The following PRAG1 variants were observed in gnomAD, a reference collection of about 807,000 sequenced individuals.
PRAG1 encodes the protein inactive tyrosine-protein kinase PRAG1.
A neutral mutation model predicts 95.6 loss-of-function variants in PRAG1; 110 were observed. That is an observed-to-expected ratio of 1.15 (90% CI 0.99 to 1.35). The LOEUF is 1.35. Among genes scored for constraint, PRAG1 ranks in the 40% most tolerant of loss-of-function variants. The probability of loss-of-function intolerance (pLI) is 0.00; values close to 1 mark genes in which losing one functional copy is unlikely to be tolerated. For synonymous variants in PRAG1, 1,052 were observed against 819.4 expected (o/e 1.28, Z -4.85); for missense variants, 2,554 against 1,864.7 (o/e 1.37, Z -6.81).
At chr8:8,382,092 C>G (rs1041745020) in intron 1 of PRAG1, among the ~76,000 whole-genome samples, 2 of 152,122 alleles carry the variant, frequency 1.3e-5, no homozygotes, top group African/African-American at 4.8e-5. Context: ...TTTCGGTCCC[C>G]TAAAATCCTG....
intron 4 of PRAG1, among the ~76,000 whole-genome samples, chr8:8,335,645 T>C (rs918263410): frequency 2.6e-5 from 4 of 152,228 alleles, no homozygotes; most frequent in Non-Finnish European, 5.9e-5. Context: ...ACTTCAGTGA[T>C]ATTATAGCTC....
At chr8:8,325,131 C>A (rs1395847665) in intron 5 of PRAG1, among the ~76,000 whole-genome samples, 1 of 152,248 alleles carries the variant, frequency 6.6e-6, no homozygotes, top group Admixed American at 6.5e-5. Flanking sequence ...CCCACTCCCC[C>A]TCCTGCGGAT....
intron 4 of PRAG1, among the ~76,000 whole-genome samples, chr8:8,336,534 C>T (rs1418977565): frequency 1.3e-5 from 2 of 152,174 alleles, no homozygotes; most frequent in East Asian, 1.9e-4. Flanking sequence ...ATAACAGATG[C>T]ACTGGAGGAA....
rs776586571 is a variant in PRAG1, at chr8:8,319,265, C to T, written c.3110G>A (p.Cys1037Tyr). ...KAPEPKTVSY[C>Y]SPSVPVHFNI... is the part of the protein sequence containing the mutation. ...AAAGTGCACGGGCACGGACGGGCTG[C>T]AGTAGGAGACTGTTTTGGGCTCAGG... Residue 1037 changes from cysteine to tyrosine, a missense_variant, in exon 6 of 6, where the codon TGC becomes TAC. Cys to Tyr is a radical substitution (Grantham distance 194). Coordinates refer to ENST00000615670, the MANE Select transcript of PRAG1 (RefSeq NM_001080826.3). 18 of 1,525,302 alleles carry T rather than the reference C, an allele frequency of 1.2e-5. No homozygotes were observed. The South Asian group carries it at 2.0e-4, about 17-fold the overall frequency. The allele number at this position is 1,525,302 out of a possible 1,614,324, so 94.5% of individuals were successfully genotyped here. A position where few individuals can be genotyped will look rare whatever the true frequency, so the allele number is the denominator to read the frequency against.
chr8:8,322,149 C>G (rs1332278085), intron 5 of PRAG1, among the ~76,000 whole-genome samples: 1 of 152,102 alleles, frequency 6.6e-6, no homozygotes, highest in African/African-American at 2.4e-5. Flanking sequence ...TATGCTTCGG[C>G]CATTTTATTT....
chr8:8,340,903 C>G (rs1007161832), intron 3 of PRAG1, among the ~76,000 whole-genome samples: 1 of 152,194 alleles, frequency 6.6e-6, no homozygotes, highest in Non-Finnish European at 1.5e-5. Context: ...ATCTCAGTAT[C>G]GCTGTGGGAA....
Position 8,319,160 on chromosome 8 carries a change from G to C in PRAG1, c.3215C>G (p.Pro1072Arg). 3 of 1,604,926 alleles carry C rather than the reference G, an allele frequency of 1.9e-6. No homozygotes were observed. Among genetic ancestry groups the C allele is most frequent in the Non-Finnish European group, 2.6e-6 (3 of 1,175,408 alleles). Residue 1072 changes from proline (P) to arginine (R), a missense_variant, in exon 6 of 6, where the codon CCT becomes CGT. Transcript: ENST00000615670. ...MLSSPDAPKD[P>R]VPALPTHPPA... ...GGGGTGTGTGGGCAGGGCAGGCACA[G>C]GGTCCTTGGGCGCGTCGGGGGAGCT... is the stretch of plus-strand genomic sequence containing the variant.
Position 8,328,195 on chromosome 8 carries a change from T to C in PRAG1, c.2587A>G (p.Ser863Gly), listed in dbSNP as rs1269013925. The C allele has an allele frequency of 1.2e-6, 2 of 1,614,120 alleles. No individual in the cohort carries two copies. The highest frequency in any genetic ancestry group is 1.3e-5 in the African/African-American group (1 of 75,016). ...ETNVHDESHF[S>G]YSLSPGNRHH... ...CGGTTCCCGGGGCTCAACGAATAGC[T>C]AAAGTGAGATTCGTCGTGGACGTTG... is the stretch of plus-strand genomic sequence containing the variant. Residue 863 changes from serine to glycine, a missense_variant, in exon 5 of 6, where the codon AGC (serine) becomes GGC (glycine). Transcript: ENST00000615670.
At chr8:8,337,772 C>T (rs1799037207) in intron 4 of PRAG1, among the ~76,000 whole-genome samples, 1 of 152,132 alleles carries the variant, frequency 6.6e-6, no homozygotes, top group Non-Finnish European at 1.5e-5. Context: ...GAATAGGTTT[C>T]CCCGTTGAAC....
At chr8:8,378,328 G>C (rs999606933) in intron 2 of PRAG1, among the ~76,000 whole-genome samples, 1 of 152,152 alleles carries the variant, frequency 6.6e-6, no homozygotes, top group East Asian at 1.9e-4. Flanking sequence ...CCCATGGACT[G>C]TAATGCTTTT....
chr8:8,370,656 G>C (rs766755974), intron 3 of PRAG1, among the ~76,000 whole-genome samples: 17 of 152,288 alleles, frequency 1.1e-4, no homozygotes, highest in Non-Finnish European at 2.1e-4. Flanking sequence ...GTGGACACTG[G>C]AGACAAACAC....
At chr8:8,362,693 G>A (rs1031945789) in intron 3 of PRAG1, among the ~76,000 whole-genome samples, 1 of 152,190 alleles carries the variant, frequency 6.6e-6, no homozygotes, top group Non-Finnish European at 1.5e-5. Context: ...AGTACTTTCT[G>A]CAGAAAGGGT....
intron 3 of PRAG1, among the ~76,000 whole-genome samples, chr8:8,343,790 T>C (rs1210762372): frequency 1.3e-5 from 2 of 152,184 alleles, no homozygotes; most frequent in African/African-American, 4.8e-5. Context: ...TAAAGCTTTA[T>C]TTACAAAAAC....
chr8:8,383,331 G>A (rs1800746128), intron 1 of PRAG1, among the ~76,000 whole-genome samples: 1 of 152,226 alleles, frequency 6.6e-6, no homozygotes, highest in Admixed American at 6.5e-5. Flanking sequence ...AGCACTTTGG[G>A]AGGCCGAGGC....
intron 5 of PRAG1, among the ~76,000 whole-genome samples, chr8:8,327,485 G>A (rs544069285): frequency 1.3e-3 from 204 of 152,254 alleles, no homozygotes; most frequent in African/African-American, 4.0e-3. Context: ...CAGGAGAATC[G>A]CTTTAAAATG....
intron 4 of PRAG1, 140 bp downstream of exon 4, chr8:8,339,338 C>A: frequency 1.1e-6 from 1 of 879,824 alleles, no homozygotes; most frequent in Non-Finnish European, 1.7e-6. Context: ...TCAACAGCTC[C>A]CTGGAAGAGT....
intron 5 of PRAG1, among the ~76,000 whole-genome samples, chr8:8,325,999 A>G (rs2117110378): frequency 6.6e-6 from 1 of 150,892 alleles, no homozygotes; most frequent in African/African-American, 2.4e-5. Flanking sequence ...CTCACTTTCT[A>G]TACCATGGAC....
rs1415457369 is a variant in PRAG1 at position 8,318,843 on chromosome 8, C to T, written c.3532G>A (p.Ala1178Thr). 2 of 947,916 alleles carry T rather than the reference C, an allele frequency of 2.1e-6. No individual in the cohort carries two copies. Among genetic ancestry groups the T allele is most frequent in the South Asian group, 7.4e-5 (2 of 26,960 alleles). 58.7% of individuals were successfully genotyped at this position (947,916 alleles called of 1,614,324 possible). Residue 1178 changes from alanine (A) to threonine (T), a missense_variant, in exon 6 of 6, where the codon GCG (alanine) becomes ACG (threonine). Physicochemically the swap from Ala to Thr is moderately conservative, Grantham distance 58 (BLOSUM62 0). Transcript: ENST00000615670. This position sits in a 1 kb window ranked among gnomAD's most constrained non-coding sequence, Gnocchi z 4.2. ...PAPAPAPAAA[A>T]PPCSSAAPPA... ...GGGGCGGCAGAGGAGCAGGGAGGCG[C>T]GGCGGCGGCGGGGGCGGGAGCCGGG...
At chr8:8,384,773 G>A (rs1162072722) in intron 1 of PRAG1, among the ~76,000 whole-genome samples, 1 of 152,190 alleles carries the variant, frequency 6.6e-6, no homozygotes, top group Non-Finnish European at 1.5e-5. Flanking sequence ...ACAGCATGGG[G>A]AAGGCACTTC....
Sources: gnomAD v4.1 joint callset for allele counts (sites outside exome capture counted in the v4.1 genomes callset) on GRCh38, gnomAD v4.1.1 for gene constraint, Gnocchi (gnomAD v3.1) non-coding constraint, MANE v1.5 for transcripts, NCBI Gene and HGNC (gene_info 2026-07-23, HGNC 2026-07-21) for gene names.